The following ATP11A variants were observed in gnomAD, a reference collection of about 807,000 sequenced individuals.
ATP11A encodes phospholipid-transporting ATPase IH.
A neutral mutation model predicts 154.4 loss-of-function variants in ATP11A; 81 were observed. That is an observed-to-expected ratio of 0.52 (90% confidence interval 0.44 to 0.63). The LOEUF (loss-of-function observed/expected upper bound fraction) is 0.63. Ranked by LOEUF, ATP11A falls within the 30% of genes least tolerant of loss-of-function variation. ATP11A has a pLI of 0.00. For synonymous variants in ATP11A, 623 were observed against 585.9 expected (o/e 1.06, Z -0.91); for missense variants, 1,316 against 1,474.3 (o/e 0.89, Z 1.76).
In ATP11A at chr13:112,854,547, CG is replaced by C. The variant is rs762213542; in HGVS notation, c.2243+18del. 2.5e-6 allele frequency: 4 copies of C among 1,595,962 alleles called. No individual in the cohort carries two copies. In the African/African-American group the frequency reaches 5.4e-5, roughly 21 times the overall value. Reference sequence around the variant, plus strand: ...CCTGTCCGGGTAGGCAGCGCGTCCCCGCCCCCACCCCCACACTCCCGCAAAA... The same window carrying C: ...CCTGTCCGGGTAGGCAGCGCGTCCCCCCCCCACCCCCACACTCCCGCAAAA... On this transcript the variant is annotated intron_variant, in intron 19 of 29. Coordinates refer to ENST00000375645, the MANE Select transcript of ATP11A (RefSeq NM_015205.3).
intron 1 of ATP11A, among the ~76,000 whole-genome samples, chr13:112,717,049 C>T (rs954182443): frequency 5.3e-5 from 8 of 152,034 alleles, no homozygotes; most frequent in Non-Finnish European, 1.0e-4. Flanking sequence ...GTGGGGGACA[C>T]GAGTATGTTC....
Position 112,816,063 on chromosome 13 carries a change from C to T in ATP11A, c.442-20C>T, listed in dbSNP as rs1277586476. The T allele has an allele frequency of 6.2e-7, 1 of 1,613,874 alleles. No homozygotes were observed. Among genetic ancestry groups the T allele is most frequent in the African/African-American group, 1.3e-5 (1 of 75,046 alleles). ...ACGGAGGGGCTTTCCATTGACCATC[C>T]TTTCTGCTTTGTCCTGTAGGTTGGG... is the stretch of plus-strand genomic sequence containing the variant. On this transcript the variant is annotated intron_variant, in intron 5 of 29. Transcript: ENST00000375645.
rs1329268153 is a variant in ATP11A at position 112,832,992 on chromosome 13, G to A, written c.1528G>A (p.Asp510Asn). Residue 510 changes from aspartate (D) to asparagine (N), a missense_variant, in exon 14 of 30, where the codon GAC becomes AAC. Asp to Asn is a conservative substitution (Grantham distance 23, BLOSUM62 1). This residue lies in a region of ATP11A where 876 missense variants were observed against 1,006.8 expected (regional missense o/e 0.87). Transcript: ENST00000375645. Reference sequence around the variant, plus strand: ...CTGTGTGTACATCTCATCCTCGCCCGACGAGGTGGCGCTGGTCGAAGGTGT... The same window carrying A: ...CTGTGTGTACATCTCATCCTCGCCCAACGAGGTGGCGCTGGTCGAAGGTGT... ...KSCVYISSSP[D>N]EVALVEGVQR... 8 of 1,613,420 alleles carry A rather than the reference G, an allele frequency of 5.0e-6. No individual in the cohort carries two copies. The highest frequency in any genetic ancestry group is 1.8e-4 in the Middle Eastern group (1 of 5,696).
chr13:112,727,670 G>T (rs1261510466), intron 1 of ATP11A, among the ~76,000 whole-genome samples: 1 of 152,224 alleles, frequency 6.6e-6, no homozygotes, highest in Admixed American at 6.5e-5. Flanking sequence ...GCCCGCACAG[G>T]CCCCATTTGG....
In ATP11A at chr13:112,786,894, C is replaced by T. The variant is rs896903396; in HGVS notation, c.162+1637C>T. Among the ~76,000 whole-genome samples the T allele has an allele frequency of 5.5e-5, 8 of 146,464 alleles. 1 individual carries two copies. The South Asian group carries it at 8.8e-4, about 16-fold the overall frequency. On this transcript the variant is annotated intron_variant, in intron 2 of 29. Coordinates refer to ENST00000375645, the MANE Select transcript of ATP11A (RefSeq NM_015205.3). ...AAGTGTCCTGATGTGTAGACCCCTGCGATAGACCTACTTAATTCACACCGG... is the reference window on the plus strand; with the variant it reads ...AAGTGTCCTGATGTGTAGACCCCTGTGATAGACCTACTTAATTCACACCGG...
At chr13:112,810,818 C>A in intron 5 of ATP11A, 92 bp downstream of exon 5, 1 of 1,083,824 alleles carries the variant, frequency 9.2e-7, no homozygotes, top group Non-Finnish European at 1.4e-6. Flanking sequence ...CGCCTCCAGT[C>A]CCAGCTACTC....
intron 1 of ATP11A, among the ~76,000 whole-genome samples, chr13:112,718,717 C>A (rs1043933255): frequency 6.8e-6 from 1 of 146,986 alleles, no homozygotes; most frequent in East Asian, 2.0e-4. Flanking sequence ...GTCACCCAGG[C>A]TGGAGGGCAA....
At chr13:112,692,910 T>C (rs1885367045) in intron 1 of ATP11A, among the ~76,000 whole-genome samples, 1 of 152,262 alleles carries the variant, frequency 6.6e-6, no homozygotes, top group Non-Finnish European at 1.5e-5. Flanking sequence ...AATACTCATA[T>C]TTCCTCATGG....
At chr13:112,779,872 C>T (rs2077455697) in intron 1 of ATP11A, among the ~76,000 whole-genome samples, 1 of 151,898 alleles carries the variant, frequency 6.6e-6, no homozygotes, top group Non-Finnish European at 1.5e-5. Context: ...CCATTGCACT[C>T]CAGCCTGGGT....
In ATP11A at chr13:112,875,908, G is replaced by A; in HGVS notation, c.3294G>A (p.Arg1098=). The change falls in exon 28 of 30, where the codon CGG becomes CGA. Residue 1098 remains arginine, a synonymous_variant. Transcript: ENST00000375645. This position sits in a 1 kb window ranked among gnomAD's most constrained non-coding sequence, Gnocchi z 4.1. ...LPDVLKKVLC[R]QLWPTATERV... ...ACGTCCTCAAGAAAGTCCTGTGCCG[G>A]CAGCTGTGGCCAACAGCAACAGAGA... 1.2e-6 allele frequency: 2 copies of A among 1,612,890 alleles called. No individual in the cohort carries two copies. Among genetic ancestry groups the A allele is most frequent in the East Asian group, 2.2e-5 (1 of 44,876 alleles).
rs1046984208 is a variant in ATP11A at position 112,696,275 on chromosome 13, G to C, written c.39+5820G>C. Among the ~76,000 whole-genome samples, 1 of 152,186 alleles carries C rather than the reference G, an allele frequency of 6.6e-6. No individual in the cohort carries two copies. Among genetic ancestry groups the C allele is most frequent in the Non-Finnish European group, 1.5e-5 (1 of 68,022 alleles). On this transcript the variant is annotated intron_variant, in intron 1 of 29. Coordinates refer to ENST00000375645, the MANE Select transcript of ATP11A (RefSeq NM_015205.3). This position sits in a 1 kb window ranked among gnomAD's most constrained non-coding sequence, Gnocchi z 6.2. ...CGTCCATGCTTCTGGGCTTCTTAAGGAGACCGCCTCTCACCTTGGGCTTTC... is the reference window on the plus strand; with the variant it reads ...CGTCCATGCTTCTGGGCTTCTTAAGCAGACCGCCTCTCACCTTGGGCTTTC...
At chr13:112,762,148 C>A (rs541291202) in intron 1 of ATP11A, among the ~76,000 whole-genome samples, 94 of 152,282 alleles carry the variant, frequency 6.2e-4, no homozygotes, top group African/African-American at 2.0e-3. Flanking sequence ...GTGTGGGAAA[C>A]CTTCACAGGG....
At position 112,690,582 on chromosome 13, in the gene ATP11A, C is replaced by A; in HGVS notation, c.39+127C>A. 1.1e-6 allele frequency: 1 copy of A among 904,700 alleles called. No individual in the cohort carries two copies. The highest frequency in any genetic ancestry group is 1.4e-6 in the Non-Finnish European group (1 of 693,354). 56.0% of individuals were successfully genotyped at this position (904,700 alleles called of 1,614,324 possible). ...AGGTCTCCGATGTCTGGGACTCGGACCGCCCCCGGGGACGAGCGGGATGCT... is the reference window on the plus strand; with the variant it reads ...AGGTCTCCGATGTCTGGGACTCGGAACGCCCCCGGGGACGAGCGGGATGCT... On this transcript the variant is annotated intron_variant, in intron 1 of 29. Coordinates refer to ENST00000375645, the MANE Select transcript of ATP11A (RefSeq NM_015205.3). This position sits in a 1 kb window ranked among gnomAD's most constrained non-coding sequence, Gnocchi z 5.6.
At chr13:112,837,865 G>A (rs1026471840) in intron 16 of ATP11A, among the ~76,000 whole-genome samples, 2 of 150,486 alleles carry the variant, frequency 1.3e-5, no homozygotes, top group African/African-American at 2.4e-5. Flanking sequence ...TCTCGGTGAC[G>A]CCCTGTGAGT....
chr13:112,805,194 G>T, intron 3 of ATP11A, 148 bp downstream of exon 3: 1 of 491,452 alleles, frequency 2.0e-6, no homozygotes. Context: ...TTAAGGAAGG[G>T]CAAAATGTCT....
intron 1 of ATP11A, among the ~76,000 whole-genome samples, chr13:112,729,845 T>A (rs1197211254): frequency 6.6e-6 from 1 of 152,250 alleles, no homozygotes; most frequent in Non-Finnish European, 1.5e-5. Flanking sequence ...GTTAATGTTG[T>A]CAGTGATTAA....
chr13:112,704,655 A>C (rs1886949954), intron 1 of ATP11A, among the ~76,000 whole-genome samples: 1 of 151,964 alleles, frequency 6.6e-6, no homozygotes, highest in South Asian at 2.1e-4. Flanking sequence ...GGTGTCCCCC[A>C]CTCTCTGTAC....
rs1222504646 is a variant in ATP11A at position 112,871,876 on chromosome 13, T to TCTCTGAATTATAA, written c.3057+82_3057+94dup. On this transcript the variant is annotated intron_variant, in intron 26 of 29. Coordinates refer to ENST00000375645, the MANE Select transcript of ATP11A (RefSeq NM_015205.3). ...AGTGTAGGCCTCACGCGCTCTGAGCTCTCTGAATTATAACTCTGTACTGAG... is the reference window on the plus strand; with the variant it reads ...AGTGTAGGCCTCACGCGCTCTGAGCTCTCTGAATTATAACTCTGAATTATAACTCTGTACTGAG... 3.5e-6 allele frequency: 5 copies of TCTCTGAATTATAA among 1,429,364 alleles called. No homozygotes were observed. In the Admixed American group the frequency reaches 8.5e-5, roughly 24 times the overall value. 88.5% of individuals were successfully genotyped at this position (1,429,364 alleles called of 1,614,324 possible). A position where few individuals can be genotyped will look rare whatever the true frequency, so the allele number is the denominator to read the frequency against.
chr13:112,751,708 C>G (rs1239766511), intron 1 of ATP11A, among the ~76,000 whole-genome samples: 1 of 151,036 alleles, frequency 6.6e-6, no homozygotes, highest in African/African-American at 2.5e-5. Context: ...GGCCCTTTGA[C>G]TGATATGCAT....
Sources: gnomAD v4.1 joint callset for allele counts (sites outside exome capture counted in the v4.1 genomes callset) on GRCh38, gnomAD v4.1.1 for gene constraint, gnomAD v4.1.1 regional missense constraint, Gnocchi (gnomAD v3.1) non-coding constraint, MANE v1.5 for transcripts, NCBI Gene and HGNC (gene_info 2026-07-23, HGNC 2026-07-21) for gene names.